Variants in NLN observed in about 807,000 individuals in gnomAD.
NLN encodes neurolysin, mitochondrial.
NLN carries 64 observed loss-of-function variants against 79.9 expected under a neutral mutation model. The ratio of observed to expected loss-of-function variants is 0.80; its 90% CI spans 0.65 to 0.99. The LOEUF (loss-of-function observed/expected upper bound fraction) is 0.99. Ranked by LOEUF, NLN falls within the 50% of genes least tolerant of loss-of-function variation. The pLI is 0.00. For missense variants in NLN, 835 were observed against 858.7 expected, an observed-to-expected ratio of 0.97 and a Z score of 0.34; for synonymous variants, 267 against 296.6, an observed-to-expected ratio of 0.90 and a Z score of 1.02.
intron 3 of NLN, among the ~76,000 whole-genome samples, chr5:65,774,510 A>G (rs1388357780): frequency 6.6e-6 from 1 of 152,114 alleles, no homozygotes; most frequent in Admixed American, 6.6e-5. Flanking sequence ...GTAAGAGAAT[A>G]TTACTATGAT....
At chr5:65,723,019 G>T (rs1242010805) in intron 1 of NLN, 1 of 152,398 alleles carries the variant, frequency 6.6e-6, no homozygotes, top group African/African-American at 2.4e-5. Flanking sequence ...AGCCTGAGCT[G>T]CTGTTTTGGA....
chr5:65,731,428 A>C (rs1477885284), intron 1 of NLN, among the ~76,000 whole-genome samples: 1 of 152,228 alleles, frequency 6.6e-6, no homozygotes, highest in Non-Finnish European at 1.5e-5. Flanking sequence ...CCACATCGGC[A>C]CATAATAAAA....
intron 1 of NLN, among the ~76,000 whole-genome samples, chr5:65,728,962 G>A (rs1210383936): frequency 1.3e-5 from 2 of 152,110 alleles, no homozygotes; most frequent in Non-Finnish European, 2.9e-5. Context: ...TCCCACTTCA[G>A]CCTCCCGAGT....
intron 2 of NLN, among the ~76,000 whole-genome samples, chr5:65,761,834 C>A (rs1759347072): frequency 6.6e-6 from 1 of 152,106 alleles, no homozygotes; most frequent in Non-Finnish European, 1.5e-5. Flanking sequence ...TTTAGGAGGA[C>A]TGATACGAGT....
chr5:65,747,741 G>C (rs911680406), intron 1 of NLN, among the ~76,000 whole-genome samples: 7 of 152,160 alleles, frequency 4.6e-5, no homozygotes, highest in Non-Finnish European at 7.4e-5. Flanking sequence ...ATGGACCCTA[G>C]GAAGGGGCCC....
rs80169227 is a variant in NLN at position 65,787,981 on chromosome 5, C to T, written c.959-137C>T. On this transcript the variant is annotated intron_variant, in intron 7 of 12. Coordinates refer to ENST00000380985, the MANE Select transcript of NLN (RefSeq NM_020726.5). The stretch of plus-strand genomic sequence containing the variant: ...TTTCCTCCCTCACGTTTTTCCTCCT[C>T]CTTTACCTCTTTCCGCCTTATTTAT... 1,105 of 814,004 alleles carry T rather than the reference C, an allele frequency of 1.4e-3. 11 individuals carry two copies. In the African/African-American group the frequency reaches 0.016, roughly 12 times the overall value. 50.4% of individuals were successfully genotyped at this position (814,004 alleles called of 1,614,324 possible).
Position 65,744,415 on chromosome 5 carries a change from G to T in NLN, c.42-14152G>T, listed in dbSNP as rs564165949. On this transcript the variant is annotated intron_variant, in intron 1 of 12. Coordinates refer to ENST00000380985, the MANE Select transcript of NLN (RefSeq NM_020726.5). ...TAACCTCAGTAAATATTTGCTGAAG[G>T]AATAACTGAATCAACTATTTCTTGA... is the stretch of plus-strand genomic sequence containing the variant. Among the ~76,000 whole-genome samples the T allele has an allele frequency of 1.9e-4, 29 of 151,326 alleles. 1 individual carries two copies. The highest frequency in any genetic ancestry group is 6.8e-4 in the African/African-American group (28 of 41,238).
At chr5:65,821,764 G>C (rs1026345203) in intron 12 of NLN, among the ~76,000 whole-genome samples, 1 of 152,066 alleles carries the variant, frequency 6.6e-6, no homozygotes, top group Non-Finnish European at 1.5e-5. Flanking sequence ...TAGCCAAAAG[G>C]TAACCCCAAA....
rs34339013 is a variant in NLN, at chr5:65,758,760, G to C, written c.235G>C (p.Gly79Arg). ...GGTGTACGATGCTGTTGGAATGCTC[G>C]GTATTGAGGAAGTAACTTACGAGAA... The part of the protein sequence containing the change: ...KQVYDAVGML[G>R]IEEVTYENCL... Residue 79 changes from glycine to arginine, a missense_variant, in exon 2 of 13, where the codon GGT (glycine) becomes CGT (arginine). Gly to Arg is a moderately radical substitution (Grantham distance 125). Transcript: ENST00000380985. 6.2e-7 allele frequency: 1 copy of C among 1,613,574 alleles called. No individual in the cohort carries two copies. Among genetic ancestry groups the C allele is most frequent in the Non-Finnish European group, 8.5e-7 (1 of 1,179,690 alleles).
chr5:65,753,830 A>C (rs573983341), intron 1 of NLN, among the ~76,000 whole-genome samples: 1 of 152,124 alleles, frequency 6.6e-6, no homozygotes, highest in South Asian at 2.1e-4. Flanking sequence ...CAGCCTTTTT[A>C]CCTATACTGG....
At chr5:65,742,173 A>T (rs1758881474) in intron 1 of NLN, among the ~76,000 whole-genome samples, 1 of 152,176 alleles carries the variant, frequency 6.6e-6, no homozygotes, top group African/African-American at 2.4e-5. Flanking sequence ...TGGAAACAAA[A>T]ACTTATTACA....
chr5:65,761,668 A>C (rs1048005750), intron 2 of NLN, among the ~76,000 whole-genome samples: 1 of 152,188 alleles, frequency 6.6e-6, no homozygotes, highest in East Asian at 1.9e-4. Flanking sequence ...TAAATTTCAA[A>C]ATTTTCTATT....
Position 65,809,702 on chromosome 5 carries a change from G to C in NLN, c.1714+1G>C. The stretch of plus-strand genomic sequence containing the variant: ...GTTGCTTCTAGGCTGGTCAACACAG[G>C]TATGACTTCTAATTTTAAAAAGGAA... On this transcript the variant is annotated splice_donor_variant, in intron 10 of 12. Coordinates refer to ENST00000380985, the MANE Select transcript of NLN (RefSeq NM_020726.5). LOFTEE classifies it high-confidence loss of function. 1 of 1,565,398 alleles carries C rather than the reference G, an allele frequency of 6.4e-7. No individual in the cohort carries two copies. Among genetic ancestry groups the C allele is most frequent in the Non-Finnish European group, 8.6e-7 (1 of 1,159,512 alleles).
At chr5:65,786,715 A>G (rs752818554) in intron 7 of NLN, among the ~76,000 whole-genome samples, 19 of 152,146 alleles carry the variant, frequency 1.2e-4, no homozygotes, top group Non-Finnish European at 2.8e-4. Flanking sequence ...TTTAAAAATT[A>G]GCCAGGCATG....
intron 1 of NLN, among the ~76,000 whole-genome samples, chr5:65,730,205 G>A (rs1758575402): frequency 1.3e-5 from 2 of 152,224 alleles, no homozygotes; most frequent in Admixed American, 1.3e-4. Flanking sequence ...AAGTTAGATG[G>A]GAAAATGTGC....
At position 65,757,241 on chromosome 5, in the gene NLN, G is replaced by T. The variant is rs535587986; in HGVS notation, c.42-1326G>T. On this transcript the variant is annotated intron_variant, in intron 1 of 12. Coordinates refer to ENST00000380985, the MANE Select transcript of NLN (RefSeq NM_020726.5). ...AGGCTTCAATTGCTTTATTAGAAGA[G>T]AATACAGTAATGCCCTACCTACCTT... is the stretch of plus-strand genomic sequence containing the variant. Among the ~76,000 whole-genome samples, 31 of 152,274 alleles carry T rather than the reference G, an allele frequency of 2.0e-4. No homozygotes were observed. The South Asian group carries it at 6.4e-3, about 32-fold the overall frequency.
At chr5:65,805,714 C>A (rs1464455183) in intron 9 of NLN, among the ~76,000 whole-genome samples, 2 of 152,228 alleles carry the variant, frequency 1.3e-5, no homozygotes, top group Non-Finnish European at 2.9e-5. Context: ...GGCAAGTTAT[C>A]CAGAAGATCT....
intron 3 of NLN, among the ~76,000 whole-genome samples, chr5:65,765,334 A>G (rs1301816465): frequency 6.6e-6 from 1 of 152,192 alleles, no homozygotes; most frequent in Non-Finnish European, 1.5e-5. Flanking sequence ...CCTGGTCAAC[A>G]TGGTGAAACC....
chr5:65,737,871 T>A (rs926686210), intron 1 of NLN, among the ~76,000 whole-genome samples: 5 of 152,162 alleles, frequency 3.3e-5, no homozygotes, highest in African/African-American at 1.2e-4. Flanking sequence ...TGGTTCACTC[T>A]TGTAATCCCG....
Sources: allele counts gnomAD v4.1 joint callset (sites outside exome capture counted in the v4.1 genomes callset), GRCh38; gene constraint gnomAD v4.1.1; transcripts MANE v1.5; gene names NCBI Gene and HGNC (gene_info 2026-07-23, HGNC 2026-07-21).